Variants in FRAS1 observed in about 807,000 individuals in gnomAD.
FRAS1 encodes Fraser extracellular matrix complex subunit 1.
A neutral mutation model predicts 435.2 loss-of-function variants in FRAS1; 290 were observed. That is an observed-to-expected ratio of 0.67 (90% CI 0.61 to 0.73). The LOEUF (loss-of-function observed/expected upper bound fraction) is 0.73, where lower values mean the gene tolerates loss of function less well. Among genes scored for constraint, FRAS1 ranks in the 30% least tolerant of loss-of-function variants. FRAS1 has a pLI of 0.00. For missense variants in FRAS1, 4,860 were observed against 5,001.5 expected, an observed-to-expected ratio of 0.97 and a Z score of 0.85; for synonymous variants, 1,800 against 1,851.0, an observed-to-expected ratio of 0.97 and a Z score of 0.71.
intron 2 of FRAS1, among the ~76,000 whole-genome samples, chr4:78,213,408 C>A (rs1194615849): frequency 2.0e-5 from 3 of 152,242 alleles, no homozygotes; most frequent in African/African-American, 7.2e-5. Context: ...TGGCCGTTGG[C>A]CAAAATGCAG....
At chr4:78,217,223 A>G (rs1723806200) in intron 2 of FRAS1, among the ~76,000 whole-genome samples, 1 of 152,156 alleles carries the variant, frequency 6.6e-6, no homozygotes, top group African/African-American at 2.4e-5. Flanking sequence ...GGATTGGATG[A>G]TGCCCTCCCT....
chr4:78,284,130 G>A (rs1221831772), intron 12 of FRAS1, among the ~76,000 whole-genome samples: 2 of 151,838 alleles, frequency 1.3e-5, no homozygotes, highest in African/African-American at 4.8e-5. Flanking sequence ...TATTCCAGCA[G>A]GTAGAGGCTG....
chr4:78,130,820 G>C (rs1719646158), intron 2 of FRAS1, among the ~76,000 whole-genome samples: 1 of 152,170 alleles, frequency 6.6e-6, no homozygotes, highest in Non-Finnish European at 1.5e-5. Context: ...AGTGTTCTTA[G>C]GTCTCCTAGA....
chr4:78,113,249 C>G (rs1379991134), intron 2 of FRAS1, among the ~76,000 whole-genome samples: 6 of 152,110 alleles, frequency 3.9e-5, no homozygotes, highest in Admixed American at 3.9e-4. Context: ...TGGGTTAGTT[C>G]CAAGTCTTTG....
At chr4:78,528,335 C>T (rs1721606347) in intron 70 of FRAS1, among the ~76,000 whole-genome samples, 1 of 152,166 alleles carries the variant, frequency 6.6e-6, no homozygotes, top group African/African-American at 2.4e-5. Flanking sequence ...TGTGAAACAT[C>T]ACCACAGTCA....
At chr4:78,068,497 G>A (rs146568287) in intron 2 of FRAS1, 1 of 456,112 alleles carries the variant, frequency 2.2e-6, no homozygotes, top group Non-Finnish European at 4.4e-6. Flanking sequence ...GGTCAGGGAG[G>A]ATGGCAGGGG....
chr4:78,356,619 T>A (rs979080409), intron 20 of FRAS1, among the ~76,000 whole-genome samples: 1 of 152,028 alleles, frequency 6.6e-6, no homozygotes, highest in Non-Finnish European at 1.5e-5. Context: ...CAGAGGGATG[T>A]TTTTGGCAGA....
intron 14 of FRAS1, among the ~76,000 whole-genome samples, chr4:78,306,429 G>A (rs1379038221): frequency 8.0e-6 from 1 of 124,318 alleles, no homozygotes; most frequent in African/African-American, 2.9e-5. Context: ...GATTGGGGAA[G>A]TTCTCCTGGA....
Position 78,353,890 on chromosome 4 carries a change from C to T in FRAS1, c.2423-9623C>T, listed in dbSNP as rs1331734451. Among the ~76,000 whole-genome samples the T allele has an allele frequency of 7.9e-4, 17 of 21,392 alleles. 4 individuals carry two copies. Among genetic ancestry groups the T allele is most frequent in the Admixed American group, 6.8e-3 (15 of 2,220 alleles). 14.0% of individuals were successfully genotyped at this position (21,392 alleles called of 152,430 possible). A position where few individuals can be genotyped will look rare whatever the true frequency, so the allele number is the denominator to read the frequency against. On this transcript the variant is annotated intron_variant, in intron 20 of 73. Transcript: ENST00000512123. Reference sequence around the variant, plus strand: ...GGAGGGATAGCATTGGGAGATATACCTAATGCTAGATGACACATTAGTGGG... The same window carrying T: ...GGAGGGATAGCATTGGGAGATATACTTAATGCTAGATGACACATTAGTGGG...
rs1719736277 is a variant in FRAS1, at chr4:78,472,345, G to C, written c.7522+15G>C. The C allele has an allele frequency of 1.9e-6, 3 of 1,575,486 alleles. No individual in the cohort carries two copies. Among genetic ancestry groups the C allele is most frequent in the African/African-American group, 2.7e-5 (2 of 73,520 alleles). ...TTTCACCCAGGGTGGGGACTCTCTG[G>C]GAACTTAGAAATGGGAGAAATCTAT... On this transcript the variant is annotated intron_variant, in intron 52 of 73. Transcript: ENST00000512123.
At chr4:78,239,849 C>T (rs1413416986) in intron 3 of FRAS1, among the ~76,000 whole-genome samples, 3 of 152,134 alleles carry the variant, frequency 2.0e-5, no homozygotes, top group Non-Finnish European at 4.4e-5. Flanking sequence ...TCTTTTACTT[C>T]AAGTCTTGCC....
chr4:78,168,248 C>T (rs1347487439), intron 2 of FRAS1, among the ~76,000 whole-genome samples: 1 of 152,056 alleles, frequency 6.6e-6, no homozygotes, highest in African/African-American at 2.4e-5. Context: ...CCATGAGACA[C>T]ATAGCGTATG....
chr4:78,262,472 A>G (rs1000623542), intron 6 of FRAS1, among the ~76,000 whole-genome samples: 1 of 152,142 alleles, frequency 6.6e-6, no homozygotes, highest in Non-Finnish European at 1.5e-5. Context: ...GGAAGGTGGA[A>G]AGTTGGGAAG....
intron 38 of FRAS1, among the ~76,000 whole-genome samples, chr4:78,433,142 T>G (rs1233490858): frequency 6.6e-6 from 1 of 152,182 alleles, no homozygotes; most frequent in Non-Finnish European, 1.5e-5. Context: ...CAAGAAGCAG[T>G]GTAATTAGGA....
At chr4:78,147,883 C>T (rs1200579482) in intron 2 of FRAS1, among the ~76,000 whole-genome samples, 1 of 152,146 alleles carries the variant, frequency 6.6e-6, no homozygotes, top group African/African-American at 2.4e-5. Flanking sequence ...GCTCAGTAAC[C>T]TGATTATTGT....
At chr4:78,362,143 T>C (rs1441739943) in intron 20 of FRAS1, among the ~76,000 whole-genome samples, 1 of 152,198 alleles carries the variant, frequency 6.6e-6, no homozygotes, top group African/African-American at 2.4e-5. Flanking sequence ...GTGCACTATG[T>C]ATTGGGTCAT....
At chr4:78,151,254 C>T (rs1720648606) in intron 2 of FRAS1, among the ~76,000 whole-genome samples, 1 of 152,080 alleles carries the variant, frequency 6.6e-6, no homozygotes, top group Non-Finnish European at 1.5e-5. Context: ...TTTTACACCT[C>T]AGTTATACCT....
intron 24 of FRAS1, among the ~76,000 whole-genome samples, chr4:78,373,604 C>T (rs989737062): frequency 2.6e-5 from 4 of 151,656 alleles, no homozygotes; most frequent in South Asian, 2.1e-4. Flanking sequence ...ATGGAGAAAC[C>T]CCATCTCTAC....
At chr4:78,196,232 C>T (rs1020810369) in intron 2 of FRAS1, among the ~76,000 whole-genome samples, 1 of 152,154 alleles carries the variant, frequency 6.6e-6, no homozygotes, top group Non-Finnish European at 1.5e-5. Context: ...TGGTCTTGAT[C>T]TCCTGACCTT....
Sources: gnomAD v4.1 joint callset for allele counts (sites outside exome capture counted in the v4.1 genomes callset) on GRCh38, gnomAD v4.1.1 for gene constraint, MANE v1.5 for transcripts, NCBI Gene and HGNC (gene_info 2026-07-23, HGNC 2026-07-21) for gene names.